The following RGS7 variants were observed in gnomAD, a reference collection of about 807,000 sequenced individuals.
The protein encoded by RGS7 is regulator of G-protein signaling 7.
In RGS7, 27 loss-of-function variants were observed where a neutral mutation model predicts 81.1. The observed-to-expected ratio is 0.33, with a 90% CI of 0.25 to 0.46. RGS7 has a LOEUF of 0.46. Ranked by LOEUF, RGS7 falls within the 20% of genes least tolerant of loss-of-function variation. The probability of loss-of-function intolerance (pLI) is 1.00; values close to 1 mark genes in which losing one functional copy is unlikely to be tolerated. For missense variants in RGS7, 396 were observed against 607.4 expected (o/e 0.65, Z 3.66); for synonymous variants, 208 against 207.7 (o/e 1.00, Z -0.01).
At chr1:241,000,657 C>CT (rs751396276) in intron 3 of RGS7, among the ~76,000 whole-genome samples, 26 of 138,026 alleles carry the variant, frequency 1.9e-4, no homozygotes, top group Non-Finnish European at 3.3e-4. Context: ...CTTTTCTTTT[C>CT]TTTTTTTTAT....
chr1:241,095,485 A>C (rs2064182252), intron 3 of RGS7, among the ~76,000 whole-genome samples: 2 of 152,174 alleles, frequency 1.3e-5, no homozygotes, highest in East Asian at 3.9e-4. Context: ...CTACCAAAAC[A>C]AACAAACAAA....
At chr1:241,254,932 C>T (rs1443283332) in intron 2 of RGS7, among the ~76,000 whole-genome samples, 1 of 152,140 alleles carries the variant, frequency 6.6e-6, no homozygotes, top group African/African-American at 2.4e-5. Flanking sequence ...CATAGCATCA[C>T]AGAATTTCAG....
intron 2 of RGS7, among the ~76,000 whole-genome samples, chr1:241,150,637 T>TG (rs1264504445): frequency 1.3e-5 from 2 of 152,186 alleles, no homozygotes; most frequent in Non-Finnish European, 2.9e-5. Flanking sequence ...ATGTAGCCCC[T>TG]GGGGTTTGGA....
rs141640279 is a variant in RGS7 at position 240,997,406 on chromosome 1, C to T, written c.176-14277G>A. Reference sequence around the variant, plus strand: ...ATTTGAGTAAAGTGAAGTATGGAACCCTATGTCTCTTCATGTTCCTTTACT... The same window carrying T: ...ATTTGAGTAAAGTGAAGTATGGAACTCTATGTCTCTTCATGTTCCTTTACT... On this transcript the variant is annotated intron_variant, in intron 3 of 18. Coordinates refer to ENST00000440928, the MANE Select transcript of RGS7 (RefSeq NM_001364886.1). 1.4e-3 allele frequency among the ~76,000 whole-genome samples: 215 copies of T among 152,190 alleles called. 1 individual carries two copies. Among genetic ancestry groups the T allele is most frequent in the Non-Finnish European group, 2.0e-3 (138 of 68,018 alleles).
chr1:241,294,932 A>T (rs1403169167), intron 2 of RGS7, among the ~76,000 whole-genome samples: 1 of 152,226 alleles, frequency 6.6e-6, no homozygotes, highest in Non-Finnish European at 1.5e-5. Context: ...GTGGTGAGAG[A>T]AGAGAAATCA....
intron 5 of RGS7, among the ~76,000 whole-genome samples, chr1:240,932,906 CAG>C (rs1195108497): frequency 4.7e-5 from 4 of 84,590 alleles, no homozygotes; most frequent in Non-Finnish European, 8.6e-5. Flanking sequence ...TTTTTTGAGA[CAG>C]AGTCTCGCTC....
chr1:241,134,447 A>T (rs1481250150), intron 2 of RGS7, among the ~76,000 whole-genome samples: 1 of 152,252 alleles, frequency 6.6e-6, no homozygotes, highest in East Asian at 1.9e-4. Context: ...ACATATGTAT[A>T]TAAAATGCAA....
chr1:241,048,136 A>G (rs985966435), intron 3 of RGS7, among the ~76,000 whole-genome samples: 2 of 152,070 alleles, frequency 1.3e-5, no homozygotes, highest in Non-Finnish European at 2.9e-5. Flanking sequence ...GAAAGAGTCT[A>G]AAAATAGTTC....
intron 3 of RGS7, among the ~76,000 whole-genome samples, chr1:241,060,868 C>T (rs958885110): frequency 2.0e-5 from 3 of 152,142 alleles, no homozygotes; most frequent in South Asian, 2.1e-4. Context: ...GTGAAAGAAA[C>T]ACCTTGTAAC....
chr1:241,028,995 T>C (rs965383679), intron 3 of RGS7, among the ~76,000 whole-genome samples: 1 of 152,140 alleles, frequency 6.6e-6, no homozygotes, highest in Non-Finnish European at 1.5e-5. Flanking sequence ...AGAAAGGATG[T>C]TCCAGCCAAG....
chr1:241,059,221 C>G (rs965995577), intron 3 of RGS7, among the ~76,000 whole-genome samples: 6 of 152,140 alleles, frequency 3.9e-5, no homozygotes, highest in African/African-American at 1.4e-4. Flanking sequence ...TGTCACTGGT[C>G]CTTCTCTTCT....
At chr1:241,085,713 C>A (rs1421917867) in intron 3 of RGS7, among the ~76,000 whole-genome samples, 1 of 152,160 alleles carries the variant, frequency 6.6e-6, no homozygotes, top group Non-Finnish European at 1.5e-5. Flanking sequence ...GGATTACAGG[C>A]GTGAGCCACC....
chr1:240,853,702 A>G (rs1319285249), intron 9 of RGS7, among the ~76,000 whole-genome samples: 2 of 151,976 alleles, frequency 1.3e-5, no homozygotes, highest in Non-Finnish European at 2.9e-5. Context: ...GCAGGAGGAG[A>G]CCATACGGGC....
chr1:240,848,175 T>A (rs1447661419), intron 9 of RGS7, among the ~76,000 whole-genome samples: 1 of 152,126 alleles, frequency 6.6e-6, no homozygotes, highest in Non-Finnish European at 1.5e-5. Context: ...AGGAATTGAA[T>A]GGAGAAAGAG....
chr1:241,178,978 T>C (rs1052603713), intron 2 of RGS7, among the ~76,000 whole-genome samples: 1 of 152,228 alleles, frequency 6.6e-6, no homozygotes, highest in Non-Finnish European at 1.5e-5. Context: ...TAAAGACACA[T>C]GCTAATTATC....
At chr1:241,324,341 A>C (rs12742127) in intron 2 of RGS7, among the ~76,000 whole-genome samples, 29,405 of 144,160 alleles carry the variant, frequency 0.2, 2,948 homozygotes, top group East Asian at 0.26. Context: ...AGCAAAAAAA[A>C]CAAAAAAAAA....
chr1:240,979,669 A>G (rs541902092), intron 4 of RGS7, among the ~76,000 whole-genome samples: 4 of 152,294 alleles, frequency 2.6e-5, no homozygotes, highest in Middle Eastern at 6.8e-3. Context: ...TTCTCAACAT[A>G]TGTCACTTAG....
chr1:240,928,442 T>C (rs567551829), intron 6 of RGS7, among the ~76,000 whole-genome samples: 19 of 152,274 alleles, frequency 1.2e-4, no homozygotes, highest in Admixed American at 2.6e-4. Flanking sequence ...TGATCTGCTG[T>C]GTAGGCCATG....
intron 14 of RGS7, 75 bp from the exon 15 acceptor site, chr1:240,806,401 T>C: frequency 7.0e-7 from 1 of 1,432,282 alleles, no homozygotes; most frequent in African/African-American, 1.4e-5. Context: ...TTACGGATCA[T>C]GCAGTTCATC....
Sources: allele counts gnomAD v4.1 joint callset (sites outside exome capture counted in the v4.1 genomes callset), GRCh38; gene constraint gnomAD v4.1.1; transcripts MANE v1.5; gene names NCBI Gene and HGNC (gene_info 2026-07-23, HGNC 2026-07-21).